VCPIP1: variants seen among roughly 807,000 people sequenced by gnomAD.
VCPIP1 encodes the protein valosin containing protein interacting protein 1, also known as deubiquitinating protein VCPIP1.
A neutral mutation model predicts 85.0 loss-of-function variants in VCPIP1; 8 were observed. The observed-to-expected ratio is 0.09, with a 90% CI of 0.06 to 0.17. The LOEUF is 0.17. VCPIP1 is among the 10% of genes least tolerant of loss of function. VCPIP1 has a pLI of 1.00. For synonymous variants in VCPIP1, 543 were observed against 544.5 expected, an observed-to-expected ratio of 1.00 and a Z score of 0.04; for missense variants, 1,070 against 1,486.3, an observed-to-expected ratio of 0.72 and a Z score of 4.61.
rs1810818650 is a variant in VCPIP1, at chr8:66,629,991, T to C, written c.*4510A>G. ...ACTTTATTATTTAAGAATTTCTTTATAAAACTGAACTATATGTTCATGCAT... is the reference window on the plus strand; with the variant it reads ...ACTTTATTATTTAAGAATTTCTTTACAAAACTGAACTATATGTTCATGCAT... On this transcript the variant is annotated 3_prime_UTR_variant, in exon 3 of 3. Transcript: ENST00000310421. The C allele has an allele frequency of 6.6e-6, 1 of 152,196 alleles. No individual in the cohort carries two copies. Among genetic ancestry groups the C allele is most frequent in the Non-Finnish European group, 1.5e-5 (1 of 68,024 alleles). 9.4% of individuals were successfully genotyped at this position (152,196 alleles called of 1,614,324 possible).
At chr8:66,637,697 C>T (rs895471639) in intron 2 of VCPIP1, among the ~76,000 whole-genome samples, 9 of 151,900 alleles carry the variant, frequency 5.9e-5, no homozygotes, top group African/African-American at 1.9e-4. Context: ...GGGCCGGGCA[C>T]GGTGGCTCAC....
In VCPIP1 at chr8:66,634,854, G is replaced by A. The variant is rs1188821689; in HGVS notation, c.3316C>T (p.Arg1106Ter). 1.9e-6 allele frequency: 3 copies of A among 1,613,814 alleles called. No individual in the cohort carries two copies. Among genetic ancestry groups the A allele is most frequent in the African/African-American group, 1.3e-5 (1 of 74,864 alleles). The change falls in exon 3 of 3, where the codon CGA (arginine) becomes TGA (stop). Residue 1106 changes from arginine (R) to a stop codon, truncating the protein, a stop_gained. Transcript: ENST00000310421. LOFTEE classifies it high-confidence loss of function. ...QLDPDLVEAQ[R>*]KKLQEMVSSI... The stretch of plus-strand genomic sequence containing the variant: ...GAAACCATTTCCTGCAATTTTTTTC[G>A]CTGGGCCTCAACCAAATCAGGATCA...
At chr8:66,639,163 T>C (rs1322061249) in intron 2 of VCPIP1, among the ~76,000 whole-genome samples, 2 of 151,216 alleles carry the variant, frequency 1.3e-5, no homozygotes, top group East Asian at 3.9e-4. Context: ...TTTTCTATTT[T>C]TAGTAGAGAC....
In VCPIP1 at chr8:66,666,052, T is replaced by C. The variant is rs1563573259; in HGVS notation, c.907A>G (p.Ile303Val). 8 of 1,614,006 alleles carry C rather than the reference T, an allele frequency of 5.0e-6. No individual in the cohort carries two copies. The highest frequency in any genetic ancestry group is 1.3e-5 in the African/African-American group (1 of 74,908). Residue 303 changes from isoleucine (I) to valine (V), a missense_variant, in exon 1 of 3, where the codon ATT becomes GTT. Ile to Val is a conservative substitution (Grantham distance 29, BLOSUM62 3). This residue lies in a region of VCPIP1 where 118 missense variants were observed against 337.1 expected (regional missense o/e 0.35). Coordinates refer to ENST00000310421, the MANE Select transcript of VCPIP1 (RefSeq NM_025054.5). This position sits in a 1 kb window ranked among gnomAD's most constrained non-coding sequence, Gnocchi z 6.3. The part of the protein sequence containing the change: ...FGLANVLHRP[I>V]ILLDSLSGMR... Reference sequence around the variant, plus strand: ...CCACTGAGGGAATCTAACAGAATAATAGGACGATGTAGCACATTGGCAAGA... The same window carrying C: ...CCACTGAGGGAATCTAACAGAATAACAGGACGATGTAGCACATTGGCAAGA...
rs1563565707 is a variant in VCPIP1 at position 66,635,273 on chromosome 8, G to A, written c.2897C>T (p.Ala966Val). 4.3e-6 allele frequency: 7 copies of A among 1,614,028 alleles called. No individual in the cohort carries two copies. The highest frequency in any genetic ancestry group is 5.1e-6 in the Non-Finnish European group (6 of 1,180,038). Reference protein sequence around the residue: ...EDRLELCVDAAGHFPIGPDVE... With the variant: ...EDRLELCVDAVGHFPIGPDVE... ...ATCAGGACCAATGGGGAAATGTCCT[G>A]CAGCATCCACACACAATTCCAGTCT... Residue 966 changes from alanine (A) to valine (V), a missense_variant, in exon 3 of 3, where the codon GCA becomes GTA. Ala to Val is a moderately conservative substitution (Grantham distance 64). Coordinates refer to ENST00000310421, the MANE Select transcript of VCPIP1 (RefSeq NM_025054.5).
intron 1 of VCPIP1, among the ~76,000 whole-genome samples, chr8:66,663,548 T>C (rs371826837): frequency 6.6e-6 from 1 of 152,214 alleles, no homozygotes; most frequent in African/African-American, 2.4e-5. Flanking sequence ...AAATTACACA[T>C]TTGGTTAATA....
At chr8:66,654,122 C>T (rs998284078) in intron 1 of VCPIP1, among the ~76,000 whole-genome samples, 3 of 152,194 alleles carry the variant, frequency 2.0e-5, no homozygotes, top group Admixed American at 1.3e-4. Context: ...GTGGGAGAGC[C>T]AGGATTTGAA....
intron 1 of VCPIP1, among the ~76,000 whole-genome samples, chr8:66,659,645 A>C (rs1014042256): frequency 6.6e-6 from 1 of 152,158 alleles, no homozygotes; most frequent in Non-Finnish European, 1.5e-5. Flanking sequence ...TAGTGAAAAC[A>C]TACAGGCCGG....
At chr8:66,660,626 A>C (rs924320000) in intron 1 of VCPIP1, among the ~76,000 whole-genome samples, 1 of 152,254 alleles carries the variant, frequency 6.6e-6, no homozygotes, top group Non-Finnish European at 1.5e-5. Flanking sequence ...GTAATCTTCT[A>C]AACAAGCTCT....
At chr8:66,656,178 C>A (rs867002324) in intron 1 of VCPIP1, among the ~76,000 whole-genome samples, 3 of 152,142 alleles carry the variant, frequency 2.0e-5, no homozygotes, top group Middle Eastern at 3.4e-3. Context: ...GGTCACCATT[C>A]TAATTTTTAA....
intron 2 of VCPIP1, among the ~76,000 whole-genome samples, chr8:66,638,773 CT>C (rs748913581): frequency 1.6e-4 from 25 of 151,892 alleles, no homozygotes; most frequent in Non-Finnish European, 3.1e-4. Flanking sequence ...AGCGAGACTC[CT>C]GTCTCAAAAA....
chr8:66,638,671 C>CA (rs1810913733), intron 2 of VCPIP1, among the ~76,000 whole-genome samples: 1 of 151,702 alleles, frequency 6.6e-6, no homozygotes, highest in Admixed American at 6.6e-5. Flanking sequence ...CCCAGCTACT[C>CA]AGGAGGCTGA....
intron 2 of VCPIP1, among the ~76,000 whole-genome samples, chr8:66,639,721 T>C (rs1444115264): frequency 6.6e-6 from 1 of 152,206 alleles, no homozygotes; most frequent in African/African-American, 2.4e-5. Flanking sequence ...TTTTCAAATG[T>C]AGATGTAACC....
Position 66,628,858 on chromosome 8 carries a change from A to G in VCPIP1, c.*5643T>C, listed in dbSNP as rs1019616997. ...CAGAACAAAAGGTTGACAATTGTGA[A>G]ACCACAAGGTTACAGAAGAAATTGA... On this transcript the variant is annotated 3_prime_UTR_variant, in exon 3 of 3. Coordinates refer to ENST00000310421, the MANE Select transcript of VCPIP1 (RefSeq NM_025054.5). The G allele has an allele frequency of 6.6e-6, 1 of 152,238 alleles. No individual in the cohort carries two copies. Among genetic ancestry groups the G allele is most frequent in the Non-Finnish European group, 1.5e-5 (1 of 68,056 alleles). The allele number at this position is 152,238 out of a possible 1,614,324, so 9.4% of individuals were successfully genotyped here. A position where few individuals can be genotyped will look rare whatever the true frequency, so the allele number is the denominator to read the frequency against.
Position 66,646,881 on chromosome 8 carries a change from C to T in VCPIP1, c.2797+4577G>A, listed in dbSNP as rs561550380. 5.3e-5 allele frequency among the ~76,000 whole-genome samples: 8 copies of T among 151,752 alleles called. No individual in the cohort carries two copies. The East Asian group carries it at 9.7e-4, about 18-fold the overall frequency. On this transcript the variant is annotated intron_variant, in intron 2 of 2. Transcript: ENST00000310421. ...TCTACTAAAAACACAAAAAATTAGC[C>T]GGGTGTGGTGGTGTGCACCTGTAAT...
intron 2 of VCPIP1, among the ~76,000 whole-genome samples, chr8:66,638,828 T>A (rs528027245): frequency 2.2e-4 from 33 of 152,066 alleles, no homozygotes; most frequent in Middle Eastern, 3.4e-3. Context: ...TACAGCATAA[T>A]TCCATTTTTA....
intron 2 of VCPIP1, among the ~76,000 whole-genome samples, chr8:66,640,859 A>T (rs1334038956): frequency 6.6e-6 from 1 of 152,018 alleles, no homozygotes; most frequent in African/African-American, 2.4e-5. Flanking sequence ...CCACCCTTCA[A>T]TTTGTTCGTG....
At chr8:66,642,977 AAAG>A (rs1015379213) in intron 2 of VCPIP1, among the ~76,000 whole-genome samples, 1 of 152,218 alleles carries the variant, frequency 6.6e-6, no homozygotes, top group Admixed American at 6.5e-5. Context: ...GAATTTAAAA[AAAG>A]AAGAAAATAA....
In VCPIP1 at chr8:66,633,790, T is replaced by A. The variant is rs1330174768; in HGVS notation, c.*711A>T. 1.3e-5 allele frequency: 2 copies of A among 151,084 alleles called. No individual in the cohort carries two copies. The highest frequency in any genetic ancestry group is 6.6e-5 in the Admixed American group (1 of 15,166). 9.4% of individuals were successfully genotyped at this position (151,084 alleles called of 1,614,324 possible). ...AGGTTGTTCTTGACCAAGCCAGGAA[T>A]CAAAAATAATGGTAACATATTAATA... On this transcript the variant is annotated 3_prime_UTR_variant, in exon 3 of 3. Coordinates refer to ENST00000310421, the MANE Select transcript of VCPIP1 (RefSeq NM_025054.5).
Sources: allele counts gnomAD v4.1 joint callset (sites outside exome capture counted in the v4.1 genomes callset), GRCh38; gene constraint gnomAD v4.1.1; regional missense constraint gnomAD v4.1.1; non-coding constraint Gnocchi (gnomAD v3.1); transcripts MANE v1.5; gene names NCBI Gene and HGNC (gene_info 2026-07-23, HGNC 2026-07-21).